PAM: variants seen among roughly 807,000 people sequenced by gnomAD.
PAM encodes peptidyl-glycine alpha-amidating monooxygenase.
PAM carries 72 observed loss-of-function variants against 122.1 expected under a neutral mutation model. The ratio of observed to expected loss-of-function variants is 0.59; its 90% CI spans 0.49 to 0.72. The LOEUF (loss-of-function observed/expected upper bound fraction) is 0.72. Among genes scored for constraint, PAM ranks in the 30% least tolerant of loss-of-function variants. PAM has a pLI of 0.00. For synonymous variants in PAM, 389 were observed against 404.4 expected, an observed-to-expected ratio of 0.96 and a Z score of 0.46; for missense variants, 1,106 against 1,183.7, an observed-to-expected ratio of 0.93 and a Z score of 0.96.
At chr5:102,948,916 A>G (rs1757890138) in intron 9 of PAM, among the ~76,000 whole-genome samples, 1 of 152,112 alleles carries the variant, frequency 6.6e-6, no homozygotes, top group African/African-American at 2.4e-5. Context: ...CAAGCTTACT[A>G]GAAGCGATGA....
intron 4 of PAM, among the ~76,000 whole-genome samples, chr5:102,912,964 C>T (rs1042515200): frequency 2.0e-5 from 3 of 151,994 alleles, no homozygotes; most frequent in African/African-American, 7.2e-5. Flanking sequence ...TGGTGTAGAA[C>T]ATTTTTTTGT....
At chr5:102,924,477 C>T (rs995148906) in intron 5 of PAM, among the ~76,000 whole-genome samples, 2 of 151,132 alleles carry the variant, frequency 1.3e-5, no homozygotes, top group South Asian at 2.1e-4. Context: ...AAGGGACACA[C>T]TTGTATTGCT....
At chr5:102,823,135 G>C (rs1221717695) in intron 1 of PAM, among the ~76,000 whole-genome samples, 1 of 152,210 alleles carries the variant, frequency 6.6e-6, no homozygotes, top group East Asian at 1.9e-4. Flanking sequence ...AGCAGAAAGT[G>C]CATTGGACTG....
At chr5:103,015,682 C>T (rs976880745) in intron 21 of PAM, among the ~76,000 whole-genome samples, 27 of 152,138 alleles carry the variant, frequency 1.8e-4, no homozygotes, top group Non-Finnish European at 3.4e-4. Context: ...ACGCCTCCCC[C>T]TGAGTTCCTA....
Position 102,924,999 on chromosome 5 carries a change from G to A in PAM, c.399G>A (p.Leu133=), listed in dbSNP as rs377205864. ...EGTCTDKANI[L]YAWARNAPPT... is the part of the protein sequence containing the mutation. ...CCTGTACAGATAAAGCCAATATTCT[G>A]TATGCCTGGGCGAGAAATGCTCCCC... is the stretch of plus-strand genomic sequence containing the variant. The change falls in exon 6 of 26, where the codon CTG becomes CTA. Residue 133 remains leucine, a synonymous_variant. Coordinates refer to ENST00000438793, the MANE Select transcript of PAM (RefSeq NM_001177306.2). 4 of 1,595,688 alleles carry A rather than the reference G, an allele frequency of 2.5e-6. No individual in the cohort carries two copies. Among genetic ancestry groups the A allele is most frequent in the Non-Finnish European group, 3.4e-6 (4 of 1,163,272 alleles).
chr5:102,891,059 T>C (rs1264517202), intron 3 of PAM, among the ~76,000 whole-genome samples: 1 of 151,856 alleles, frequency 6.6e-6, no homozygotes, highest in Non-Finnish European at 1.5e-5. Flanking sequence ...AATAAAATGC[T>C]TAAAGGAAAA....
chr5:103,028,465 T>G (rs1785625466), intron 25 of PAM, among the ~76,000 whole-genome samples: 1 of 152,194 alleles, frequency 6.6e-6, no homozygotes, highest in African/African-American at 2.4e-5. Context: ...CTGCATTATC[T>G]AATTCTCTTC....
At chr5:103,008,326 T>C (rs533264701) in intron 20 of PAM, among the ~76,000 whole-genome samples, 19 of 152,072 alleles carry the variant, frequency 1.2e-4, no homozygotes, top group Admixed American at 5.9e-4. Flanking sequence ...TAATTGTATA[T>C]ATTTGTAGAG....
At chr5:102,992,404 C>T (rs1433182657) in intron 16 of PAM, among the ~76,000 whole-genome samples, 1 of 152,048 alleles carries the variant, frequency 6.6e-6, no homozygotes, top group Admixed American at 6.6e-5. Context: ...CCTTAGCAGA[C>T]TTTGCAATCC....
intron 8 of PAM, among the ~76,000 whole-genome samples, chr5:102,947,324 A>G (rs1757379215): frequency 6.6e-6 from 1 of 152,196 alleles, no homozygotes. Context: ...TGCATGCAAG[A>G]TGGAAGCCAG....
chr5:102,882,555 C>T (rs1791638400), intron 3 of PAM, among the ~76,000 whole-genome samples: 1 of 151,860 alleles, frequency 6.6e-6, no homozygotes. Context: ...TCCTTAGCCA[C>T]TTTTTGATGG....
rs553475818 is a variant in PAM, at chr5:102,776,905, T to A, written c.-374+21557T>A. 3.9e-5 allele frequency among the ~76,000 whole-genome samples: 6 copies of A among 152,228 alleles called. No individual in the cohort carries two copies. In the South Asian group the frequency reaches 1.2e-3, roughly 32 times the overall value. ...TACTTTTTCATATTTAGTGGTGTTT[T>A]TGGGGTTTTGTTTTTAAATTTTGTA... On this transcript the variant is annotated intron_variant, in intron 1 of 25. Transcript: ENST00000438793.
At chr5:102,848,602 G>C (rs574882435) in intron 1 of PAM, among the ~76,000 whole-genome samples, 1 of 152,266 alleles carries the variant, frequency 6.6e-6, no homozygotes, top group Non-Finnish European at 1.5e-5. Context: ...AGACTTTTTA[G>C]GGAGGTGTCT....
At chr5:102,780,829 TTCTTTCTC>T (rs1228422049) in intron 1 of PAM, among the ~76,000 whole-genome samples, 13 of 113,096 alleles carry the variant, frequency 1.1e-4, no homozygotes, top group African/African-American at 4.0e-4. Context: ...CTTTCTTTCT[TTCTTTCTC>T]TGTCTTTCTC....
At chr5:102,765,475 A>G (rs1312742235) in intron 1 of PAM, among the ~76,000 whole-genome samples, 1 of 152,210 alleles carries the variant, frequency 6.6e-6, no homozygotes, top group Non-Finnish European at 1.5e-5. Context: ...ACCATTTCAC[A>G]TAGTGTAGAG....
intron 1 of PAM, among the ~76,000 whole-genome samples, chr5:102,854,248 ATTATT>A (rs1782050651): frequency 6.6e-6 from 1 of 152,210 alleles, no homozygotes; most frequent in African/African-American, 2.4e-5. Context: ...AACTATTAAT[ATTATT>A]TTAATTATTA....
downstream of PAM, chr5:103,030,414 T>C (rs1786087474): frequency 6.6e-6 from 1 of 152,224 alleles, no homozygotes; most frequent in Non-Finnish European, 1.5e-5. Context: ...TAAAACTCTT[T>C]TTCAAAAATG....
intron 1 of PAM, among the ~76,000 whole-genome samples, chr5:102,844,034 A>G (rs995459377): frequency 2.6e-5 from 4 of 152,210 alleles, no homozygotes; most frequent in Non-Finnish European, 5.9e-5. Flanking sequence ...CTTTATTTGT[A>G]GAAGCTAAAA....
intron 1 of PAM, among the ~76,000 whole-genome samples, chr5:102,780,198 A>C (rs1758336992): frequency 6.6e-6 from 1 of 151,950 alleles, no homozygotes; most frequent in Admixed American, 6.6e-5. Context: ...ATTTTAAAAG[A>C]ACATAGCATA....
Sources: gnomAD v4.1 joint callset for allele counts (sites outside exome capture counted in the v4.1 genomes callset) on GRCh38, gnomAD v4.1.1 for gene constraint, MANE v1.5 for transcripts, NCBI Gene and HGNC (gene_info 2026-07-23, HGNC 2026-07-21) for gene names.